The following EPHA6 variants were observed in gnomAD, a reference collection of about 807,000 sequenced individuals.
EPHA6 encodes the protein EPH receptor A6.
EPHA6 carries 50 observed loss-of-function variants against 112.0 expected under a neutral mutation model. That is an observed-to-expected ratio of 0.45 (90% CI 0.36 to 0.56). The LOEUF (loss-of-function observed/expected upper bound fraction) is 0.56, where lower values mean the gene tolerates loss of function less well. Among genes scored for constraint, EPHA6 ranks in the 20% least tolerant of loss-of-function variants. The pLI is 0.00. For missense variants in EPHA6, 1,280 were observed against 1,417.4 expected (o/e 0.90, Z 1.56); for synonymous variants, 529 against 490.7 (o/e 1.08, Z -1.03).
At chr3:96,982,206 C>T (rs1392861037) in intron 2 of EPHA6, among the ~76,000 whole-genome samples, 3 of 152,172 alleles carry the variant, frequency 2.0e-5, no homozygotes, top group Non-Finnish European at 4.4e-5. Flanking sequence ...CTATAAATTT[C>T]CCTCTGCACA....
chr3:96,882,192 T>C (rs1175331281), intron 2 of EPHA6, among the ~76,000 whole-genome samples: 1 of 152,166 alleles, frequency 6.6e-6, no homozygotes, highest in African/African-American at 2.4e-5. Context: ...TTCCGCACTT[T>C]AAGATTTGAC....
chr3:97,459,313 G>A (rs2090805973), intron 7 of EPHA6, among the ~76,000 whole-genome samples: 1 of 152,164 alleles, frequency 6.6e-6, no homozygotes, highest in African/African-American at 2.4e-5. Context: ...ACATTTTTCA[G>A]ACCTCCCACT....
chr3:97,151,512 A>G (rs2076169768), intron 3 of EPHA6, among the ~76,000 whole-genome samples: 1 of 152,094 alleles, frequency 6.6e-6, no homozygotes. Context: ...CAATTGATAG[A>G]GTTTCTTTCT....
intron 3 of EPHA6, among the ~76,000 whole-genome samples, chr3:97,012,625 A>ATT (rs762686976): frequency 9.9e-5 from 13 of 131,452 alleles, no homozygotes; most frequent in African/African-American, 3.4e-4. Context: ...ATATATATGT[A>ATT]TTTTTTTTTT....
At chr3:97,461,653 A>C (rs9810922) in intron 7 of EPHA6, among the ~76,000 whole-genome samples, 7,228 of 152,100 alleles carry the variant, frequency 0.048, 574 homozygotes, top group African/African-American at 0.16. Context: ...CAATCAAATC[A>C]TTTTCTTATT....
At chr3:96,981,942 T>C (rs10040071) in intron 2 of EPHA6, among the ~76,000 whole-genome samples, 2 of 152,182 alleles carry the variant, frequency 1.3e-5, no homozygotes, top group African/African-American at 4.8e-5. Context: ...GATTCTTCTC[T>C]CTTTTCTTCT....
In EPHA6 at chr3:96,987,318, C is replaced by T. The variant is rs745423720; in HGVS notation, c.451-12C>T. The T allele has an allele frequency of 7.7e-6, 12 of 1,561,668 alleles. No individual in the cohort carries two copies. The Admixed American group carries it at 9.4e-5, about 12-fold the overall frequency. On this transcript the variant is annotated splice_polypyrimidine_tract_variant and intron_variant, in intron 2 of 17. Transcript: ENST00000389672. ...TTTAAAATCACTTAATTACTTTTTTCCCTTTTTGCAGTGGGATGCCATCAC... is the reference window on the plus strand; with the variant it reads ...TTTAAAATCACTTAATTACTTTTTTTCCTTTTTGCAGTGGGATGCCATCAC...
chr3:97,047,493 C>G (rs2045549745), intron 3 of EPHA6, among the ~76,000 whole-genome samples: 1 of 112,250 alleles, frequency 8.9e-6, no homozygotes, highest in African/African-American at 3.9e-5. Context: ...GAGTGAGACT[C>G]TGTCTCAAAA....
chr3:97,348,471 A>G (rs2083643145), intron 5 of EPHA6, among the ~76,000 whole-genome samples: 1 of 152,018 alleles, frequency 6.6e-6, no homozygotes, highest in African/African-American at 2.4e-5. Flanking sequence ...GATTCCACAT[A>G]TAAGATGGAG....
chr3:97,057,567 G>A (rs984769942), intron 3 of EPHA6, among the ~76,000 whole-genome samples: 24 of 152,162 alleles, frequency 1.6e-4, no homozygotes, highest in Admixed American at 1.6e-3. Flanking sequence ...CGTGACCAAG[G>A]CCATAGTCAT....
chr3:97,474,128 C>T, intron 7 of EPHA6, among the ~76,000 whole-genome samples: 1 of 151,726 alleles, frequency 6.6e-6, no homozygotes. Context: ...TGCTATTACT[C>T]TGGATATGAA....
rs144185026 is a variant in EPHA6 at position 97,171,113 on chromosome 3, G to A, written c.1115-55151G>A. Reference sequence around the variant, plus strand: ...TGTCTTAGAGAAAACGAGACAATTAGAACAAAGATGGTTAGTATCAGCTAC... The same window carrying A: ...TGTCTTAGAGAAAACGAGACAATTAAAACAAAGATGGTTAGTATCAGCTAC... On this transcript the variant is annotated intron_variant, in intron 3 of 17. Coordinates refer to ENST00000389672, the MANE Select transcript of EPHA6 (RefSeq NM_001080448.3). Among the ~76,000 whole-genome samples, 249 of 152,262 alleles carry A rather than the reference G, an allele frequency of 1.6e-3. 1 individual carries two copies. Among genetic ancestry groups the A allele is most frequent in the African/African-American group, 5.5e-3 (230 of 41,562 alleles).
chr3:97,159,263 C>T (rs1377320750), intron 3 of EPHA6, among the ~76,000 whole-genome samples: 2 of 152,108 alleles, frequency 1.3e-5, no homozygotes, highest in African/African-American at 2.4e-5. Context: ...GGATCAATCC[C>T]TCCAGCCAGC....
chr3:97,551,153 A>G (rs2093023458), intron 11 of EPHA6, among the ~76,000 whole-genome samples: 1 of 152,192 alleles, frequency 6.6e-6, no homozygotes, highest in Non-Finnish European at 1.5e-5. Flanking sequence ...ATGCCTTTCT[A>G]CATAGACCAG....
intron 14 of EPHA6, among the ~76,000 whole-genome samples, chr3:97,662,961 A>T (rs1190302769): frequency 6.6e-6 from 1 of 152,220 alleles, no homozygotes. Context: ...CCTGCAGGCA[A>T]CAAGATCTGG....
At chr3:96,920,655 A>G (rs1009209123) in intron 2 of EPHA6, among the ~76,000 whole-genome samples, 1 of 151,910 alleles carries the variant, frequency 6.6e-6, no homozygotes, top group African/African-American at 2.4e-5. Flanking sequence ...GTGTGTGTGT[A>G]TGTATACCTA....
intron 3 of EPHA6, among the ~76,000 whole-genome samples, chr3:97,226,002 AGT>A (rs371389846): frequency 1.3e-4 from 19 of 151,446 alleles, no homozygotes; most frequent in African/African-American, 3.4e-4. Flanking sequence ...TGCCCGTGTG[AGT>A]GTGTGTGTGT....
intron 1 of EPHA6, among the ~76,000 whole-genome samples, chr3:96,840,688 A>G (rs753604345): frequency 3.3e-5 from 5 of 152,084 alleles, no homozygotes; most frequent in Non-Finnish European, 7.4e-5. Context: ...AACACTGCCA[A>G]TTCAAACCAA....
At chr3:96,856,552 C>T (rs900982280) in intron 1 of EPHA6, among the ~76,000 whole-genome samples, 5 of 152,106 alleles carry the variant, frequency 3.3e-5, no homozygotes, top group Admixed American at 2.0e-4. Context: ...GGAACTATAA[C>T]ATATTTTGCA....
Sources: gnomAD v4.1 joint callset for allele counts (sites outside exome capture counted in the v4.1 genomes callset) on GRCh38, gnomAD v4.1.1 for gene constraint, MANE v1.5 for transcripts, NCBI Gene and HGNC (gene_info 2026-07-23, HGNC 2026-07-21) for gene names.